The following NAP1L1 variants were observed in gnomAD, a reference collection of about 807,000 sequenced individuals.
NAP1L1 encodes nucleosome assembly protein 1 like 1.
NAP1L1 carries 9 observed loss-of-function variants against 58.9 expected under a neutral mutation model. That is an observed-to-expected ratio of 0.15 (90% CI 0.09 to 0.27). NAP1L1 has a LOEUF of 0.27. Among genes scored for constraint, NAP1L1 ranks in the 10% least tolerant of loss-of-function variants. The pLI is 1.00. For missense variants in NAP1L1, 302 were observed against 458.8 expected, an observed-to-expected ratio of 0.66 and a Z score of 3.12; for synonymous variants, 130 against 138.3, an observed-to-expected ratio of 0.94 and a Z score of 0.42.
intron 2 of NAP1L1, 97 bp downstream of exon 2, chr12:76,074,106 A>C (rs1950085336): frequency 2.2e-5 from 24 of 1,082,880 alleles, no homozygotes; most frequent in Non-Finnish European, 3.2e-5. Context: ...ATTAGTAACT[A>C]CATTTTCATA....
chr12:76,054,953 T>TA (rs1286283320), intron 8 of NAP1L1, 66 bp downstream of exon 8: 1 of 1,199,138 alleles, frequency 8.3e-7, no homozygotes, highest in Non-Finnish European at 1.2e-6. Context: ...GTTATCTTTT[T>TA]AAAAGCTTCT....
chr12:76,078,442 C>G (rs906060491), intron 1 of NAP1L1, among the ~76,000 whole-genome samples: 2 of 152,074 alleles, frequency 1.3e-5, no homozygotes, highest in Non-Finnish European at 2.9e-5. Context: ...AAAATTCATA[C>G]AAGTAATTTT....
intron 2 of NAP1L1, among the ~76,000 whole-genome samples, chr12:76,070,988 A>C (rs1458929060): frequency 6.6e-6 from 1 of 152,196 alleles, no homozygotes; most frequent in Non-Finnish European, 1.5e-5. Flanking sequence ...TGATTAACAC[A>C]GTAAGAATTC....
chr12:76,060,549 CT>C (rs1949361757), intron 4 of NAP1L1, among the ~76,000 whole-genome samples: 1 of 152,134 alleles, frequency 6.6e-6, no homozygotes. Flanking sequence ...AAGTGTTGGA[CT>C]TGTCATTGCT....
rs1173166245 is a variant in NAP1L1, at chr12:76,042,174, G to A, written c.*6255C>T. 1 of 152,052 alleles carries A rather than the reference G, an allele frequency of 6.6e-6. No homozygotes were observed. Among genetic ancestry groups the A allele is most frequent in the Non-Finnish European group, 1.5e-5 (1 of 68,008 alleles). The allele number at this position is 152,052 out of a possible 1,614,324, so 9.4% of individuals were successfully genotyped here. On this transcript the variant is annotated 3_prime_UTR_variant, in exon 15 of 15. Transcript: ENST00000618691. ...AGTAATGCATCCCTTACACCTAGGA[G>A]GAATTTTGCCTTTGAACCAAGAAAA...
intron 6 of NAP1L1, chr12:76,058,173 G>A (rs1949212343): frequency 3.5e-6 from 2 of 572,600 alleles, no homozygotes; most frequent in Non-Finnish European, 6.5e-6. Context: ...CAGTAGATAT[G>A]GCCAAAGGGA....
chr12:76,054,054 G>C (rs574193032), intron 8 of NAP1L1, 145 bp from the exon 9 acceptor site: 2 of 1,019,332 alleles, frequency 2.0e-6, no homozygotes, highest in South Asian at 3.2e-5. Context: ...TTTTGAGACT[G>C]AGTCTTGCAT....
rs58649228 is a variant in NAP1L1 at position 76,076,549 on chromosome 12, A to AATATATAT, written c.-20-2318_-20-2311dup. Among the ~76,000 whole-genome samples, 960 of 120,008 alleles carry AATATATAT rather than the reference A, an allele frequency of 8.0e-3. 9 individuals are homozygous for AATATATAT. The highest frequency in any genetic ancestry group is 0.015 in the Middle Eastern group (3 of 198). The allele number at this position is 120,008 out of a possible 152,430, so 78.7% of individuals were successfully genotyped here. A position where few individuals can be genotyped will look rare whatever the true frequency, so the allele number is the denominator to read the frequency against. On this transcript the variant is annotated intron_variant, in intron 1 of 14. Transcript: ENST00000618691. ...TGCCGAAATCCCCTTTGGATATGGA[A>AATATATAT]ATATATATATATATATATATATATA...
chr12:76,067,867 C>T (rs1280653137), intron 3 of NAP1L1, among the ~76,000 whole-genome samples: 2 of 152,168 alleles, frequency 1.3e-5, no homozygotes, highest in Non-Finnish European at 2.9e-5. Context: ...AATATACTGA[C>T]AGTTTTAGGC....
At chr12:76,070,338 C>T (rs2137065603) in intron 2 of NAP1L1, among the ~76,000 whole-genome samples, 1 of 152,240 alleles carries the variant, frequency 6.6e-6, no homozygotes, top group South Asian at 2.1e-4. Context: ...AAACTCCTGG[C>T]CTCAGGTGAT....
At chr12:76,074,155 C>T in intron 2 of NAP1L1, 48 bp downstream of exon 2, 2 of 1,437,978 alleles carry the variant, frequency 1.4e-6, no homozygotes, top group Non-Finnish European at 2.0e-6. Flanking sequence ...GAACAGAGTA[C>T]AAAGTGATGC....
At chr12:76,048,996 AC>A (rs1350513926) in intron 14 of NAP1L1, 1 of 562,864 alleles carries the variant, frequency 1.8e-6, no homozygotes, top group African/African-American at 1.9e-5. Context: ...CGAAGTCCAA[AC>A]AAAAAACAAT....
chr12:76,067,663 A>T, intron 3 of NAP1L1, 190 bp from the exon 4 acceptor site: 1 of 476,310 alleles, frequency 2.1e-6, no homozygotes, highest in Admixed American at 3.1e-5. Context: ...GGAATAATTC[A>T]GATTCCTAAT....
rs187535200 is a variant in NAP1L1, at chr12:76,039,958, T to G, written c.*8471A>C. The G allele has an allele frequency of 2.6e-5, 4 of 152,206 alleles. No individual in the cohort carries two copies. Among genetic ancestry groups the G allele is most frequent in the Non-Finnish European group, 5.9e-5 (4 of 68,026 alleles). The allele number at this position is 152,206 out of a possible 1,614,324, so 9.4% of individuals were successfully genotyped here. On this transcript the variant is annotated 3_prime_UTR_variant, in exon 15 of 15. Transcript: ENST00000618691. ...GTCTAGTTACATTATACCCAACTTT[T>G]GAAAACACGTGTACTTAAGGGTCAC...
chr12:76,081,721 T>A (rs949384544), intron 1 of NAP1L1, among the ~76,000 whole-genome samples: 1 of 152,220 alleles, frequency 6.6e-6, no homozygotes, highest in Admixed American at 6.5e-5. Flanking sequence ...AGCCCACTAA[T>A]GTACTCTAAT....
chr12:76,053,745 G>T, intron 9 of NAP1L1, 25 bp downstream of exon 9: 1 of 1,594,290 alleles, frequency 6.3e-7, no homozygotes, highest in Non-Finnish European at 8.5e-7. Flanking sequence ...AAAACATTTT[G>T]TTAAGGTAGT....
intron 6 of NAP1L1, chr12:76,056,461 CAG>C (rs987476628): frequency 5.8e-6 from 2 of 344,972 alleles, no homozygotes; most frequent in South Asian, 2.4e-5. Flanking sequence ...AGAAAAGCAA[CAG>C]AAATACTAAT....
intron 4 of NAP1L1, among the ~76,000 whole-genome samples, chr12:76,064,769 A>G (rs1184857446): frequency 6.6e-6 from 1 of 151,990 alleles, no homozygotes; most frequent in Non-Finnish European, 1.5e-5. Context: ...AACTGATGAG[A>G]GAACTTGAAT....
At chr12:76,056,619 C>T (rs1248860111) in intron 6 of NAP1L1, 3 of 455,544 alleles carry the variant, frequency 6.6e-6, no homozygotes, top group African/African-American at 2.0e-5. Context: ...TCATTGTGGG[C>T]AAGTCACTTA....
Sources: gnomAD v4.1 joint callset for allele counts (sites outside exome capture counted in the v4.1 genomes callset) on GRCh38, gnomAD v4.1.1 for gene constraint, MANE v1.5 for transcripts, NCBI Gene and HGNC (gene_info 2026-07-23, HGNC 2026-07-21) for gene names.